EPHA6: variants seen among roughly 807,000 people sequenced by gnomAD.
EPHA6 encodes ephrin type-A receptor 6.
In EPHA6, 50 loss-of-function variants were observed where a neutral mutation model predicts 112.0. That is an observed-to-expected ratio of 0.45 (90% CI 0.36 to 0.56). The LOEUF is 0.56. Among genes scored for constraint, EPHA6 ranks in the 20% least tolerant of loss-of-function variants. The pLI is 0.00. For missense variants in EPHA6, 1,280 were observed against 1,417.4 expected (o/e 0.90, Z 1.56); for synonymous variants, 529 against 490.7 (o/e 1.08, Z -1.03).
Position 97,686,758 on chromosome 3 carries a change from G to GT in EPHA6, c.2785-33498dup, listed in dbSNP as rs1281736465. On this transcript the variant is annotated intron_variant, in intron 14 of 17. Transcript: ENST00000389672. ...TTGATGCCTAGATAAGACTTCAAGTGTTTTTGCTGAAATCGCTCAGAATTA... is the reference window on the plus strand; with the variant it reads ...TTGATGCCTAGATAAGACTTCAAGTGTTTTTTGCTGAAATCGCTCAGAATTA... Among the ~76,000 whole-genome samples the GT allele has an allele frequency of 2.6e-5, 4 of 152,164 alleles. No individual in the cohort carries two copies. In the East Asian group the frequency reaches 7.7e-4, roughly 29 times the overall value.
rs537084955 is a variant in EPHA6, at chr3:96,956,784, C to T, written c.451-30546C>T. On this transcript the variant is annotated intron_variant, in intron 2 of 17. Coordinates refer to ENST00000389672, the MANE Select transcript of EPHA6 (RefSeq NM_001080448.3). ...GTGCAGTGGTTCAGGCCTGTAATCC[C>T]AGGACTTTGTGGGGCTGAGGCGGGT... 3.3e-5 allele frequency among the ~76,000 whole-genome samples: 5 copies of T among 152,128 alleles called. No individual in the cohort carries two copies. In the South Asian group the frequency reaches 1.0e-3, roughly 32 times the overall value.
chr3:97,443,354 C>G (rs1052831725), intron 6 of EPHA6, among the ~76,000 whole-genome samples: 1 of 94,578 alleles, frequency 1.1e-5, no homozygotes, highest in Non-Finnish European at 2.0e-5. Flanking sequence ...TTAATTAAGA[C>G]ATCGCAAAAA....
intron 3 of EPHA6, among the ~76,000 whole-genome samples, chr3:97,181,644 G>A (rs2076992207): frequency 1.3e-5 from 2 of 151,618 alleles, no homozygotes; most frequent in African/African-American, 2.4e-5. Context: ...TTTTAACCAG[G>A]AAAATTTAAA....
At position 96,954,894 on chromosome 3, in the gene EPHA6, C is replaced by T. The variant is rs577237428; in HGVS notation, c.451-32436C>T. Among the ~76,000 whole-genome samples the T allele has an allele frequency of 6.1e-5, 9 of 147,508 alleles. 2 individuals carry two copies. The highest frequency in any genetic ancestry group is 2.3e-4 in the African/African-American group (9 of 39,908). On this transcript the variant is annotated intron_variant, in intron 2 of 17. Transcript: ENST00000389672. ...CTGCAAGCTCCGCTTCCCGGGTTCA[C>T]GCCATTCTCCTGCCTCAGCCTCCCG...
intron 11 of EPHA6, among the ~76,000 whole-genome samples, chr3:97,537,872 C>A (rs1217310782): frequency 6.6e-6 from 1 of 152,168 alleles, no homozygotes; most frequent in African/African-American, 2.4e-5. Flanking sequence ...AGCCACAGCA[C>A]CTGGCCTCTA....
At chr3:97,248,579 C>T (rs927288995) in intron 5 of EPHA6, among the ~76,000 whole-genome samples, 1 of 152,040 alleles carries the variant, frequency 6.6e-6, no homozygotes, top group Non-Finnish European at 1.5e-5. Context: ...CTGATATTTG[C>T]TAAAGGGTCT....
intron 5 of EPHA6, among the ~76,000 whole-genome samples, chr3:97,300,509 A>G (rs910129380): frequency 1.1e-4 from 16 of 152,174 alleles, no homozygotes; most frequent in Admixed American, 9.8e-4. Flanking sequence ...ACATTTTCAC[A>G]CACAAATGTA....
intron 5 of EPHA6, among the ~76,000 whole-genome samples, chr3:97,365,987 G>A (rs1012942633): frequency 4.6e-5 from 7 of 152,066 alleles, no homozygotes; most frequent in Admixed American, 1.3e-4. Flanking sequence ...GCTACAATTC[G>A]GATTAAAAAT....
At chr3:97,711,036 C>T (rs539910225) in intron 14 of EPHA6, among the ~76,000 whole-genome samples, 33 of 152,282 alleles carry the variant, frequency 2.2e-4, no homozygotes, top group African/African-American at 7.7e-4. Flanking sequence ...GCTGTGTCTC[C>T]ACCCAAATTT....
intron 5 of EPHA6, among the ~76,000 whole-genome samples, chr3:97,265,746 C>T (rs2079658172): frequency 6.6e-6 from 1 of 152,212 alleles, no homozygotes; most frequent in African/African-American, 2.4e-5. Flanking sequence ...CCCACCGCTG[C>T]CACTGCTGCT....
chr3:97,507,693 A>C (rs996419690), intron 10 of EPHA6, among the ~76,000 whole-genome samples: 2 of 151,966 alleles, frequency 1.3e-5, no homozygotes, highest in African/African-American at 4.8e-5. Flanking sequence ...CTTAGGGAGG[A>C]GTCCCTCTTT....
chr3:97,707,341 G>T (rs2033732620), intron 14 of EPHA6, among the ~76,000 whole-genome samples: 1 of 152,232 alleles, frequency 6.6e-6, no homozygotes, highest in African/African-American at 2.4e-5. Context: ...TAAACTTTCT[G>T]GGAGGACAGT....
At chr3:97,542,487 T>G (rs2092875062) in intron 11 of EPHA6, among the ~76,000 whole-genome samples, 1 of 152,188 alleles carries the variant, frequency 6.6e-6, no homozygotes, top group South Asian at 2.1e-4. Flanking sequence ...CTTAATCCAG[T>G]CTATCATTGT....
intron 5 of EPHA6, among the ~76,000 whole-genome samples, chr3:97,312,292 C>T (rs950748209): frequency 4.6e-5 from 7 of 151,518 alleles, no homozygotes; most frequent in Non-Finnish European, 8.9e-5. Context: ...ATTATACCAA[C>T]TAGGACCTCC....
chr3:96,854,386 GCCAGGATGGTCTCAATCCGT>G (rs2035574348), intron 1 of EPHA6, among the ~76,000 whole-genome samples: 1 of 151,604 alleles, frequency 6.6e-6, no homozygotes, highest in Admixed American at 6.6e-5. Flanking sequence ...CACCATGCTG[GCCAGGATGGTCTCAATCCGT>G]TGACTTTATT....
intron 2 of EPHA6, among the ~76,000 whole-genome samples, chr3:96,936,693 T>C (rs2040603549): frequency 6.6e-6 from 1 of 152,140 alleles, no homozygotes; most frequent in Non-Finnish European, 1.5e-5. Context: ...TGTGCCATGT[T>C]GGTGTGCTGC....
chr3:97,251,766 CATAA>C (rs1275874897), intron 5 of EPHA6, among the ~76,000 whole-genome samples: 3 of 152,028 alleles, frequency 2.0e-5, no homozygotes, highest in Non-Finnish European at 4.4e-5. Flanking sequence ...CAGTCGTCTA[CATAA>C]ATAATTTATG....
intron 3 of EPHA6, among the ~76,000 whole-genome samples, chr3:97,012,007 G>A (rs922288785): frequency 6.6e-6 from 1 of 152,078 alleles, no homozygotes; most frequent in African/African-American, 2.4e-5. Flanking sequence ...TTTTGTGGCT[G>A]CATAGTACTC....
At chr3:97,026,121 A>AT (rs3038599) in intron 3 of EPHA6, among the ~76,000 whole-genome samples, 3,029 of 115,994 alleles carry the variant, frequency 0.026, 59 homozygotes, top group South Asian at 0.032. Context: ...TATGTGTCTG[A>AT]TTTTTTTTTT....
Sources: gnomAD v4.1 joint callset for allele counts (sites outside exome capture counted in the v4.1 genomes callset) on GRCh38, gnomAD v4.1.1 for gene constraint, MANE v1.5 for transcripts, NCBI Gene and HGNC (gene_info 2026-07-23, HGNC 2026-07-21) for gene names.